SLC35F3: variants seen among roughly 807,000 people sequenced by gnomAD.
The protein encoded by SLC35F3 is solute carrier family 35 member F3.
Under a neutral mutation model 49.9 loss-of-function variants are expected in SLC35F3, and 25 were observed. The ratio of observed to expected loss-of-function variants is 0.50; its 90% CI spans 0.37 to 0.70. The LOEUF is 0.70. SLC35F3 is among the 30% of genes least tolerant of loss of function. The pLI is 0.00. For missense variants in SLC35F3, 525 were observed against 639.8 expected (o/e 0.82, Z 1.94); for synonymous variants, 275 against 265.4 (o/e 1.04, Z -0.35).
chr1:233,919,758 C>T, intron 2 of SLC35F3, among the ~76,000 whole-genome samples: 1 of 152,186 alleles, frequency 6.6e-6, no homozygotes, highest in East Asian at 1.9e-4. Context: ...TTCCCCCCGG[C>T]TACCAAGACT....
At chr1:234,234,989 G>T (rs1294142805) in intron 3 of SLC35F3, among the ~76,000 whole-genome samples, 1 of 152,100 alleles carries the variant, frequency 6.6e-6, no homozygotes, top group Admixed American at 6.5e-5. Context: ...GCTGCCTTGT[G>T]GTGGCCAATT....
intron 1 of SLC35F3, 21 bp downstream of exon 1, chr1:233,905,151 G>C (rs192314226): frequency 6.4e-7 from 1 of 1,551,192 alleles, no homozygotes; most frequent in South Asian, 1.2e-5. Context: ...CCCCGGGCGT[G>C]GGTGAGCGAG....
intron 2 of SLC35F3, among the ~76,000 whole-genome samples, chr1:234,015,185 A>T (rs1040144948): frequency 1.3e-5 from 2 of 152,024 alleles, no homozygotes; most frequent in African/African-American, 4.8e-5. Context: ...GTCTCTACTA[A>T]AAATACAAAA....
At chr1:233,980,343 A>G (rs1663163121) in intron 2 of SLC35F3, among the ~76,000 whole-genome samples, 1 of 152,212 alleles carries the variant, frequency 6.6e-6, no homozygotes, top group Non-Finnish European at 1.5e-5. Flanking sequence ...GCCAACGACA[A>G]TGATGGCCCA....
At chr1:234,134,165 C>T (rs1572064229) in intron 2 of SLC35F3, among the ~76,000 whole-genome samples, 2 of 151,754 alleles carry the variant, frequency 1.3e-5, no homozygotes, top group South Asian at 2.1e-4. Flanking sequence ...CATTATATAG[C>T]GATTACTATT....
Position 234,231,655 on chromosome 1 carries a change from C to A in SLC35F3, c.522C>A (p.Thr174=), listed in dbSNP as rs781061850. The change falls in exon 3 of 8, where the codon ACC becomes ACA. Residue 174 remains threonine (T), a synonymous_variant. Coordinates refer to ENST00000366618, the MANE Select transcript of SLC35F3 (RefSeq NM_173508.4). The surrounding 1 kb of genome is among the most constrained non-coding windows in gnomAD (Gnocchi z 5.4). Reference sequence around the variant, plus strand: ...CCTTCACCCTCACGTGGTTTGCCACCAACTGGAACTTTTTATTCTTCCCGT... The same window carrying A: ...CCTTCACCCTCACGTGGTTTGCCACAAACTGGAACTTTTTATTCTTCCCGT... ...DAPFTLTWFA[T]NWNFLFFPLY... is the part of the protein sequence containing the mutation. 6.2e-7 allele frequency: 1 copy of A among 1,614,188 alleles called. No individual in the cohort carries two copies. The highest frequency in any genetic ancestry group is 8.5e-7 in the Non-Finnish European group (1 of 1,180,020).
intron 2 of SLC35F3, among the ~76,000 whole-genome samples, chr1:233,944,853 C>G (rs1892298): frequency 6.7e-6 from 1 of 150,014 alleles, no homozygotes; most frequent in Non-Finnish European, 1.5e-5. Flanking sequence ...GATGCTCTTA[C>G]GATTGTAGAG....
intron 2 of SLC35F3, among the ~76,000 whole-genome samples, chr1:233,930,507 A>T (rs1252507496): frequency 1.3e-5 from 2 of 152,194 alleles, no homozygotes. Flanking sequence ...TCAGAGTGCC[A>T]TTGAAGTTTG....
intron 2 of SLC35F3, among the ~76,000 whole-genome samples, chr1:234,169,898 G>A (rs149060401): frequency 0.016 from 2,366 of 152,286 alleles, 31 homozygotes; most frequent in Non-Finnish European, 0.021. Flanking sequence ...CTCCGGAGTA[G>A]CTGGGACTAC....
intron 2 of SLC35F3, among the ~76,000 whole-genome samples, chr1:234,007,562 C>T (rs1431870831): frequency 1.3e-5 from 2 of 152,172 alleles, no homozygotes; most frequent in Admixed American, 6.5e-5. Flanking sequence ...TGGGGAGCTA[C>T]CATAACTGTC....
chr1:234,070,580 A>T (rs1664697717), intron 2 of SLC35F3, among the ~76,000 whole-genome samples: 1 of 152,176 alleles, frequency 6.6e-6, no homozygotes, highest in African/African-American at 2.4e-5. Context: ...CCATAGACAA[A>T]TCTAACAGAA....
chr1:234,055,359 G>T (rs1005555224), intron 2 of SLC35F3, among the ~76,000 whole-genome samples: 1 of 152,172 alleles, frequency 6.6e-6, no homozygotes, highest in African/African-American at 2.4e-5. Flanking sequence ...AGCAATGGCG[G>T]ACACCCCTCT....
intron 2 of SLC35F3, among the ~76,000 whole-genome samples, chr1:234,066,657 T>A (rs748635300): frequency 5.3e-5 from 8 of 152,012 alleles, no homozygotes; most frequent in Non-Finnish European, 1.0e-4. Context: ...CTGCCCTACT[T>A]CTCAAATAGA....
chr1:234,142,001 CTCT>C (rs1665923648), intron 2 of SLC35F3, among the ~76,000 whole-genome samples: 1 of 152,202 alleles, frequency 6.6e-6, no homozygotes, highest in Non-Finnish European at 1.5e-5. Context: ...GCGTGCATCT[CTCT>C]TCTTCACCAC....
intron 2 of SLC35F3, among the ~76,000 whole-genome samples, chr1:233,909,363 C>T (rs1228500539): frequency 3.9e-5 from 6 of 152,200 alleles, no homozygotes; most frequent in Admixed American, 3.9e-4. Flanking sequence ...AAATTATCAT[C>T]TGTTGAGTGG....
chr1:233,932,367 C>G (rs1262440249), intron 2 of SLC35F3, among the ~76,000 whole-genome samples: 1 of 152,062 alleles, frequency 6.6e-6, no homozygotes, highest in African/African-American at 2.4e-5. Flanking sequence ...ATAAGTGGAC[C>G]CTTGCAGTTC....
intron 2 of SLC35F3, among the ~76,000 whole-genome samples, chr1:234,019,342 T>C (rs34514761): frequency 0.13 from 20,017 of 151,378 alleles, 1,626 homozygotes; most frequent in Non-Finnish European, 0.19. Context: ...AGGGTGTGTA[T>C]GTGCATGTAT....
At chr1:234,149,153 G>A (rs886550917) in intron 2 of SLC35F3, among the ~76,000 whole-genome samples, 14 of 152,064 alleles carry the variant, frequency 9.2e-5, no homozygotes, top group African/African-American at 3.1e-4. Flanking sequence ...GGATGGAAAA[G>A]GGGAGAACCA....
intron 2 of SLC35F3, among the ~76,000 whole-genome samples, chr1:234,081,189 C>T (rs1288994616): frequency 6.6e-6 from 1 of 152,156 alleles, no homozygotes; most frequent in Non-Finnish European, 1.5e-5. Flanking sequence ...TTACAGGCTG[C>T]AGCCAATCTT....
Sources: gnomAD v4.1 joint callset for allele counts (sites outside exome capture counted in the v4.1 genomes callset) on GRCh38, gnomAD v4.1.1 for gene constraint, Gnocchi (gnomAD v3.1) non-coding constraint, MANE v1.5 for transcripts, NCBI Gene and HGNC (gene_info 2026-07-23, HGNC 2026-07-21) for gene names.